NFIB: variants seen among roughly 807,000 people sequenced by gnomAD.
NFIB encodes the protein nuclear factor 1 B-type.
Under a neutral mutation model 61.5 loss-of-function variants are expected in NFIB, and 11 were observed. That is an observed-to-expected ratio of 0.18 (90% CI 0.11 to 0.30). NFIB has a LOEUF of 0.30. NFIB is among the 10% of genes least tolerant of loss of function. The pLI, the probability that NFIB is intolerant of heterozygous loss-of-function variation, is 1.00. For missense variants in NFIB, 471 were observed against 608.9 expected (o/e 0.77, Z 2.38); for synonymous variants, 260 against 216.5 (o/e 1.20, Z -1.76).
chr9:14,200,258 C>A (rs932780226), intron 2 of NFIB, among the ~76,000 whole-genome samples: 1 of 152,146 alleles, frequency 6.6e-6, no homozygotes, highest in Admixed American at 6.5e-5. Context: ...AATTTCCTCT[C>A]AGAACTGGTA....
chr9:14,254,146 C>T (rs1399895150), intron 2 of NFIB, among the ~76,000 whole-genome samples: 1 of 151,872 alleles, frequency 6.6e-6, no homozygotes, highest in Non-Finnish European at 1.5e-5. Context: ...AGTAAAAGTA[C>T]AAAAATTAGC....
intron 2 of NFIB, among the ~76,000 whole-genome samples, chr9:14,305,554 G>T (rs1588243319): frequency 6.6e-6 from 1 of 152,124 alleles, no homozygotes; most frequent in Non-Finnish European, 1.5e-5. Flanking sequence ...ATTCTTAAAT[G>T]CATGGAAATA....
Position 14,108,848 on chromosome 9 carries a change from T to C in NFIB, c.1467+4151A>G, listed in dbSNP as rs1260168677. 2.0e-5 allele frequency among the ~76,000 whole-genome samples: 3 copies of C among 152,108 alleles called. No homozygotes were observed. The East Asian group carries it at 5.8e-4, about 29-fold the overall frequency. On this transcript the variant is annotated intron_variant, in intron 10 of 10. Coordinates refer to ENST00000380953, the MANE Select transcript of NFIB (RefSeq NM_001190737.2). Reference sequence around the variant, plus strand: ...ATTTATTCAGTTGAAATCTCAAATATACATCAAAGGTTAATATGTACTTCA... The same window carrying C: ...ATTTATTCAGTTGAAATCTCAAATACACATCAAAGGTTAATATGTACTTCA...
rs536882285 is a variant in NFIB at position 14,190,592 on chromosome 9, T to A, written c.563-10812A>T. Among the ~76,000 whole-genome samples, 40 of 152,302 alleles carry A rather than the reference T, an allele frequency of 2.6e-4. 1 individual carries two copies. Among genetic ancestry groups the A allele is most frequent in the African/African-American group, 9.4e-4 (39 of 41,568 alleles). On this transcript the variant is annotated intron_variant, in intron 2 of 10. Transcript: ENST00000380953. ...GGAATAAAACTACTTGAATAATGCA[T>A]CATTGAACCAACATTTTTGAAAAGG...
At chr9:14,441,158 G>C in the NFIB span, among the ~76,000 whole-genome samples, 1 of 144,264 alleles carries the variant, frequency 6.9e-6, no homozygotes, top group Non-Finnish European at 1.5e-5. Context: ...AAAAAGGAGA[G>C]AGAAAACAAA....
intron 1 of NFIB, among the ~76,000 whole-genome samples, chr9:14,348,080 G>C (rs2061055569): frequency 1.3e-5 from 2 of 152,186 alleles, no homozygotes; most frequent in South Asian, 4.1e-4. Flanking sequence ...GAACGAAGTC[G>C]CCCAACCCAA....
the NFIB span, among the ~76,000 whole-genome samples, chr9:14,518,318 C>G: frequency 6.6e-6 from 1 of 152,176 alleles, no homozygotes; most frequent in Non-Finnish European, 1.5e-5. Context: ...ATGACTTGCT[C>G]CAGCTGGCTG....
the NFIB span, among the ~76,000 whole-genome samples, chr9:14,515,712 A>G: frequency 6.6e-6 from 1 of 152,154 alleles, no homozygotes. Flanking sequence ...GCCTATGCAT[A>G]TCCTCGGGGC....
intron 3 of NFIB, among the ~76,000 whole-genome samples, chr9:14,172,452 A>G (rs545444903): frequency 6.6e-6 from 1 of 152,260 alleles, no homozygotes; most frequent in African/African-American, 2.4e-5. Flanking sequence ...GAGGGGAAAA[A>G]AATTATACAA....
At chr9:14,514,453 G>C in the NFIB span, among the ~76,000 whole-genome samples, 1 of 152,028 alleles carries the variant, frequency 6.6e-6, no homozygotes, top group Non-Finnish European at 1.5e-5. Flanking sequence ...GTACTAAAAA[G>C]ATATTCCTAG....
chr9:14,386,950 A>G (rs2061556460), intron 1 of NFIB, among the ~76,000 whole-genome samples: 1 of 152,246 alleles, frequency 6.6e-6, no homozygotes, highest in Non-Finnish European at 1.5e-5. Context: ...ACTTAACAGA[A>G]CTTTTAATAT....
chr9:14,414,531 G>A, the NFIB span, among the ~76,000 whole-genome samples: 1 of 113,032 alleles, frequency 8.8e-6, no homozygotes, highest in African/African-American at 3.8e-5. Flanking sequence ...TTTTTTTTTG[G>A]CAAATTTGTT....
At chr9:14,401,316 T>C (rs188479954), upstream of NFIB, among the ~76,000 whole-genome samples, 2 of 152,308 alleles carry the variant, frequency 1.3e-5, 1 homozygote, top group East Asian at 3.9e-4. Context: ...CTCTATTTTC[T>C]AACTGAAATC....
intron 2 of NFIB, among the ~76,000 whole-genome samples, chr9:14,294,604 G>A (rs561962058): frequency 5.9e-5 from 9 of 152,238 alleles, no homozygotes; most frequent in Admixed American, 5.2e-4. Context: ...GAAAAGGAAT[G>A]CCACAGATTA....
At chr9:14,376,269 C>T (rs1284555305) in intron 1 of NFIB, among the ~76,000 whole-genome samples, 1 of 152,066 alleles carries the variant, frequency 6.6e-6, no homozygotes, top group East Asian at 1.9e-4. Flanking sequence ...GCAGAAAATT[C>T]CACATTACTG....
chr9:14,267,706 C>A (rs528327434), intron 2 of NFIB, among the ~76,000 whole-genome samples: 1 of 152,272 alleles, frequency 6.6e-6, no homozygotes, highest in South Asian at 2.1e-4. Flanking sequence ...CAGTGAGCCC[C>A]CTGAGGGCAG....
intron 1 of NFIB, among the ~76,000 whole-genome samples, chr9:14,328,640 A>T (rs1057342833): frequency 6.6e-6 from 1 of 152,018 alleles, no homozygotes; most frequent in East Asian, 1.9e-4. Context: ...ATATATATAT[A>T]TATGATTGCA....
At chr9:14,220,472 G>T (rs1317635422) in intron 2 of NFIB, among the ~76,000 whole-genome samples, 1 of 152,136 alleles carries the variant, frequency 6.6e-6, no homozygotes, top group Non-Finnish European at 1.5e-5. Flanking sequence ...CACAAGGCAG[G>T]ATAGTTCTGG....
intron 3 of NFIB, among the ~76,000 whole-genome samples, chr9:14,168,239 A>G (rs747713941): frequency 5.9e-5 from 9 of 152,304 alleles, no homozygotes; most frequent in Non-Finnish European, 1.0e-4. Context: ...AATCTTGGAC[A>G]TTGTCTGTAG....
Sources: allele counts gnomAD v4.1 joint callset (sites outside exome capture counted in the v4.1 genomes callset), GRCh38; gene constraint gnomAD v4.1.1; transcripts MANE v1.5; gene names NCBI Gene and HGNC (gene_info 2026-07-23, HGNC 2026-07-21).